EXOC6B: variants seen among roughly 807,000 people sequenced by gnomAD.
EXOC6B encodes the protein SEC15 homolog B.
Under a neutral mutation model 113.5 loss-of-function variants are expected in EXOC6B, and 54 were observed. The ratio of observed to expected loss-of-function variants is 0.48; its 90% CI spans 0.38 to 0.60. The LOEUF (loss-of-function observed/expected upper bound fraction) is 0.60, where lower values mean the gene tolerates loss of function less well. EXOC6B is among the 20% of genes least tolerant of loss of function. The probability of loss-of-function intolerance (pLI) is 0.00; values close to 1 mark genes in which losing one functional copy is unlikely to be tolerated. For missense variants in EXOC6B, 797 were observed against 977.5 expected, an observed-to-expected ratio of 0.82 and a Z score of 2.46; for synonymous variants, 357 against 339.0, an observed-to-expected ratio of 1.05 and a Z score of -0.58.
At chr2:72,619,123 C>A (rs1671583256) in intron 6 of EXOC6B, among the ~76,000 whole-genome samples, 2 of 151,978 alleles carry the variant, frequency 1.3e-5, no homozygotes, top group African/African-American at 4.8e-5. Context: ...ATGTTACAGC[C>A]ATTCTCCTAC....
intron 16 of EXOC6B, among the ~76,000 whole-genome samples, chr2:72,489,051 C>G (rs1461015640): frequency 6.6e-6 from 1 of 152,156 alleles, no homozygotes; most frequent in African/African-American, 2.4e-5. Context: ...CAGGCCTTTG[C>G]TCTGGCTCTA....
intron 6 of EXOC6B, among the ~76,000 whole-genome samples, chr2:72,597,194 TACCTC>T (rs1670128488): frequency 6.6e-6 from 1 of 151,642 alleles, no homozygotes; most frequent in Non-Finnish European, 1.5e-5. Flanking sequence ...ATGTAAATCT[TACCTC>T]AATTTAAAAT....
chr2:72,563,005 T>C (rs1262249236), intron 7 of EXOC6B, among the ~76,000 whole-genome samples: 1 of 152,130 alleles, frequency 6.6e-6, no homozygotes, highest in Non-Finnish European at 1.5e-5. Context: ...TGGAGAGCAT[T>C]AGTGCCTTTT....
intron 20 of EXOC6B, among the ~76,000 whole-genome samples, 167 bp downstream of exon 20, chr2:72,334,780 C>T (rs972787207): frequency 1.3e-5 from 2 of 150,226 alleles, no homozygotes; most frequent in African/African-American, 4.9e-5. Context: ...GCTAAGGATC[C>T]CAGATAGCTA....
At chr2:72,284,433 G>A (rs192843287) in intron 20 of EXOC6B, among the ~76,000 whole-genome samples, 166 of 151,942 alleles carry the variant, frequency 1.1e-3, no homozygotes, top group Non-Finnish European at 2.0e-3. Flanking sequence ...CATTATTCAC[G>A]ATAAAAACAC....
chr2:72,405,103 A>T (rs1443653212), intron 18 of EXOC6B, among the ~76,000 whole-genome samples: 1 of 152,220 alleles, frequency 6.6e-6, no homozygotes, highest in African/African-American at 2.4e-5. Flanking sequence ...AAGAAAGGGT[A>T]TCAGTGATGG....
At chr2:72,412,859 C>A (rs1694265857) in intron 18 of EXOC6B, among the ~76,000 whole-genome samples, 1 of 152,108 alleles carries the variant, frequency 6.6e-6, no homozygotes, top group South Asian at 2.1e-4. Flanking sequence ...CTGTTCTAAC[C>A]AGCATAAAGT....
At chr2:72,396,964 G>A (rs1264907907) in intron 18 of EXOC6B, among the ~76,000 whole-genome samples, 13 of 142,122 alleles carry the variant, frequency 9.1e-5, no homozygotes, top group South Asian at 4.3e-4. Context: ...GAGAAGATGC[G>A]AACTCTACTG....
intron 20 of EXOC6B, among the ~76,000 whole-genome samples, chr2:72,282,239 C>T (rs545612909): frequency 1.3e-5 from 2 of 152,018 alleles, no homozygotes; most frequent in Non-Finnish European, 2.9e-5. Flanking sequence ...TACTGATGAT[C>T]TTTGGGATTT....
At chr2:72,704,983 C>A (rs1678743594) in intron 6 of EXOC6B, among the ~76,000 whole-genome samples, 1 of 151,976 alleles carries the variant, frequency 6.6e-6, no homozygotes, top group African/African-American at 2.4e-5. Context: ...TTTTATGAGG[C>A]CAGTATCATT....
In EXOC6B at chr2:72,451,654, C is replaced by CTGTGCCTGTGTG. The variant is rs1553412938; in HGVS notation, c.1980+13505_1980+13506insCACACAGGCACA. ...GAAAATTCACTTTTTGTCTTTGTGC[C>CTGTGCCTGTGTG]TGTGTGTGTGTGTGTGTGTGTGTGT... On this transcript the variant is annotated intron_variant, in intron 18 of 21. Coordinates refer to ENST00000272427, the MANE Select transcript of EXOC6B (RefSeq NM_015189.3). Among the ~76,000 whole-genome samples, 161 of 142,588 alleles carry CTGTGCCTGTGTG rather than the reference C, an allele frequency of 1.1e-3. 2 individuals are homozygous for CTGTGCCTGTGTG. Among genetic ancestry groups the CTGTGCCTGTGTG allele is most frequent in the Admixed American group, 3.2e-3 (45 of 14,126 alleles). 93.5% of individuals were successfully genotyped at this position (142,588 alleles called of 152,430 possible). A position where few individuals can be genotyped will look rare whatever the true frequency, so the allele number is the denominator to read the frequency against.
At chr2:72,548,915 A>C (rs1703053161) in intron 8 of EXOC6B, among the ~76,000 whole-genome samples, 1 of 152,086 alleles carries the variant, frequency 6.6e-6, no homozygotes, top group Non-Finnish European at 1.5e-5. Flanking sequence ...CACAAGTAAA[A>C]AATAAATAAG....
chr2:72,522,456 T>C (rs915300747), intron 8 of EXOC6B, among the ~76,000 whole-genome samples: 4 of 152,212 alleles, frequency 2.6e-5, no homozygotes, highest in African/African-American at 7.2e-5. Flanking sequence ...CTGTGTTTTC[T>C]ACGTTGTTTA....
chr2:72,215,681 T>C (rs1573013600), intron 20 of EXOC6B, among the ~76,000 whole-genome samples: 1 of 152,146 alleles, frequency 6.6e-6, no homozygotes, highest in Non-Finnish European at 1.5e-5. Context: ...GCGCGTACCA[T>C]GAGTACAGAA....
intron 16 of EXOC6B, among the ~76,000 whole-genome samples, chr2:72,491,314 A>T (rs1699732754): frequency 6.6e-6 from 1 of 152,126 alleles, no homozygotes; most frequent in Non-Finnish European, 1.5e-5. Context: ...AATTCAGAGA[A>T]AGAGAAAATA....
intron 18 of EXOC6B, among the ~76,000 whole-genome samples, chr2:72,419,763 G>T (rs2105255926): frequency 6.6e-6 from 1 of 152,180 alleles, no homozygotes; most frequent in Admixed American, 6.5e-5. Flanking sequence ...TTTTTAATGT[G>T]TCTTTAGTGT....
In EXOC6B at chr2:72,495,500, G is replaced by C; in HGVS notation, c.1483C>G (p.Pro495Ala). 6.2e-7 allele frequency: 1 copy of C among 1,608,570 alleles called. No homozygotes were observed. Among genetic ancestry groups the C allele is most frequent in the Non-Finnish European group, 8.5e-7 (1 of 1,177,420 alleles). ...TCTTTAATTTGGTTGTAAACTTTTG[G>C]CACAAATTCAGAGAAAGGAAACTTT... ...PKKFPFSEFV[P>A]KVYNQIKEFI... Residue 495 changes from proline to alanine, a missense_variant, in exon 15 of 22, where the codon CCA becomes GCA. Coordinates refer to ENST00000272427, the MANE Select transcript of EXOC6B (RefSeq NM_015189.3).
intron 6 of EXOC6B, among the ~76,000 whole-genome samples, chr2:72,672,879 A>C (rs767765859): frequency 5.3e-5 from 8 of 152,182 alleles, no homozygotes; most frequent in Non-Finnish European, 8.8e-5. Context: ...CCTGATGTTC[A>C]ATAGTGTGAC....
intron 1 of EXOC6B, among the ~76,000 whole-genome samples, chr2:72,765,518 CA>C (rs1683006085): frequency 6.6e-6 from 1 of 151,842 alleles, no homozygotes; most frequent in Admixed American, 6.6e-5. Context: ...TACTAAATTA[CA>C]AAACTTAGCC....
Sources: gnomAD v4.1 joint callset for allele counts (sites outside exome capture counted in the v4.1 genomes callset) on GRCh38, gnomAD v4.1.1 for gene constraint, MANE v1.5 for transcripts, NCBI Gene and HGNC (gene_info 2026-07-23, HGNC 2026-07-21) for gene names.